Variants in RYR1 observed in about 807,000 individuals in gnomAD.
RYR1 encodes the protein central core disease of muscle.
In RYR1, 342 loss-of-function variants were observed where a neutral mutation model predicts 583.5. That is an observed-to-expected ratio of 0.59 (90% CI 0.54 to 0.64). The LOEUF is 0.64. Among genes scored for constraint, RYR1 ranks in the 30% least tolerant of loss-of-function variants. RYR1 has a pLI of 0.00. For missense variants in RYR1, 6,032 were observed against 6,917.2 expected (o/e 0.87, Z 4.54); for synonymous variants, 2,791 against 2,822.5 (o/e 0.99, Z 0.35).
intron 56 of RYR1, 74 bp downstream of exon 56, chr19:38,506,620 C>T (rs757959306): frequency 4.7e-5 from 73 of 1,568,678 alleles, no homozygotes; most frequent in Non-Finnish European, 6.0e-5. Context: ...CCTTCATGCC[C>T]CTGAAACTCG....
intron 47 of RYR1, among the ~76,000 whole-genome samples, chr19:38,501,483 C>G (rs143589019): frequency 2.0e-5 from 3 of 151,944 alleles, no homozygotes; most frequent in Non-Finnish European, 2.9e-5. Flanking sequence ...GGCAATGGAG[C>G]GAGACTCCAT....
At position 38,535,187 on chromosome 19, in the gene RYR1, C is replaced by T; in HGVS notation, c.11406C>T (p.Ser3802=). The change falls in exon 80 of 106, where the codon TCC becomes TCT. Residue 3802 remains serine, a synonymous_variant. Transcript: ENST00000359596. ...MVSSTLKLGI[S]ILNGGNAEVQ... is the part of the protein sequence containing the mutation. The stretch of plus-strand genomic sequence containing the variant: ...CCTCCACCCTGAAGCTGGGCATCTC[C>T]ATCCTCAATGGAGGCAATGCTGAGG... 6.2e-7 allele frequency: 1 copy of T among 1,614,160 alleles called. No individual in the cohort carries two copies. The highest frequency in any genetic ancestry group is 8.5e-7 in the Non-Finnish European group (1 of 1,180,036).
At chr19:38,522,804 G>A (rs1419246763) in intron 67 of RYR1, among the ~76,000 whole-genome samples, 2 of 151,466 alleles carry the variant, frequency 1.3e-5, no homozygotes, top group East Asian at 3.9e-4. Context: ...ACAAAAATTA[G>A]CCCGGTGTGG....
At chr19:38,493,476 GC>G (rs1969648910) in intron 38 of RYR1, among the ~76,000 whole-genome samples, 1 of 151,318 alleles carries the variant, frequency 6.6e-6, no homozygotes, top group Non-Finnish European at 1.5e-5. Context: ...GAAAGTCAAA[GC>G]CCCTGCCCAC....
At position 38,506,935 on chromosome 19, in the gene RYR1, T is replaced by C. The variant is rs767105170; in HGVS notation, c.8799T>C (p.Asn2933=). 1.4e-5 allele frequency: 23 copies of C among 1,612,482 alleles called. No homozygotes were observed. The highest frequency in any genetic ancestry group is 8.5e-6 in the Non-Finnish European group (10 of 1,179,982). Residue 2933 remains asparagine, a synonymous_variant, in exon 57 of 106, where the codon AAT becomes AAC. Coordinates refer to ENST00000359596, the MANE Select transcript of RYR1 (RefSeq NM_000540.3). The part of the protein sequence containing the change: ...AQELLKFLQM[N]GYAVTRGLKD... ...AGCTACTGAAATTCCTGCAGATGAA[T>C]GGCTACGCGGTTACAAGGCACGCGG...
intron 89 of RYR1, among the ~76,000 whole-genome samples, chr19:38,560,589 T>G (rs1255431585): frequency 2.1e-5 from 3 of 146,328 alleles, no homozygotes; most frequent in Non-Finnish European, 4.5e-5. Flanking sequence ...ATTAGCCAGG[T>G]GTGGTGGCGG....
intron 31 of RYR1, among the ~76,000 whole-genome samples, chr19:38,480,862 A>G (rs1457851544): frequency 6.6e-6 from 1 of 151,524 alleles, no homozygotes; most frequent in Non-Finnish European, 1.5e-5. Context: ...TAAGTATGTG[A>G]GATTACAGGT....
At position 38,512,286 on chromosome 19, in the gene RYR1, T is replaced by C; in HGVS notation, c.9275T>C (p.Leu3092Pro). The C allele has an allele frequency of 6.2e-7, 1 of 1,614,226 alleles. No homozygotes were observed. Among genetic ancestry groups the C allele is most frequent in the Non-Finnish European group, 8.5e-7 (1 of 1,180,040 alleles). ...GGCCCTGAGATCGTGAAGGCTGGCC[T>C]CCGCTCCTTCTTCGAGAGTGCCTCG... ...KSGPEIVKAGLRSFFESASED... is the reference protein window; with the variant it reads ...KSGPEIVKAGPRSFFESASED... The change falls in exon 63 of 106, where the codon CTC (leucine) becomes CCC (proline). Residue 3092 changes from leucine (L) to proline (P), a missense_variant. Physicochemically the swap from Leu to Pro is moderately conservative, Grantham distance 98. Transcript: ENST00000359596. This position sits in a 1 kb window ranked among gnomAD's most constrained non-coding sequence, Gnocchi z 5.1.
chr19:38,504,071 T>G (rs1970326225), intron 49 of RYR1, 149 bp from the exon 50 acceptor site: 1 of 875,158 alleles, frequency 1.1e-6, no homozygotes, highest in African/African-American at 1.7e-5. Context: ...AACATACCAT[T>G]TCTTCCCTTA....
intron 71 of RYR1, 52 bp downstream of exon 71, chr19:38,525,554 A>T: frequency 6.3e-7 from 1 of 1,587,324 alleles, no homozygotes; most frequent in Non-Finnish European, 8.6e-7. Flanking sequence ...CCCAGCACCC[A>T]CTGAACCCCT....
intron 56 of RYR1, 39 bp downstream of exon 56, chr19:38,506,585 A>C (rs1345169103): frequency 1.9e-6 from 3 of 1,608,766 alleles, no homozygotes; most frequent in Non-Finnish European, 2.6e-6. Flanking sequence ...ACCCCCGTGG[A>C]TTCACCGTGT....
intron 91 of RYR1, among the ~76,000 whole-genome samples, chr19:38,566,019 A>G (rs994043379): frequency 6.6e-6 from 1 of 151,664 alleles, no homozygotes; most frequent in Non-Finnish European, 1.5e-5. Flanking sequence ...ACCTGGAGAA[A>G]GGGCCGGGGA....
rs756620310 is a variant in RYR1, at chr19:38,458,209, C to G, written c.2084C>G (p.Pro695Arg). The change falls in exon 18 of 106, where the codon CCT becomes CGT. Residue 695 changes from proline (P) to arginine (R), a missense_variant. Pro to Arg is a moderately radical substitution (Grantham distance 103). This residue lies in a region of RYR1 where 2,627 missense variants were observed against 2,961.3 expected (regional missense o/e 0.89). Coordinates refer to ENST00000359596, the MANE Select transcript of RYR1 (RefSeq NM_000540.3). The stretch of plus-strand genomic sequence containing the variant: ...CTCACCGAGGGCTACACCCCCTACC[C>G]TGGGGCCGGCGAGGGCTGGGGCGGC... ...WALTEGYTPY[P>R]GAGEGWGGNG... The G allele has an allele frequency of 3.7e-6, 6 of 1,613,858 alleles. No individual in the cohort carries two copies. Among genetic ancestry groups the G allele is most frequent in the Non-Finnish European group, 5.1e-6 (6 of 1,180,040 alleles).
At chr19:38,497,182 G>T (rs905493664) in intron 42 of RYR1, among the ~76,000 whole-genome samples, 1 of 149,278 alleles carries the variant, frequency 6.7e-6, no homozygotes, top group African/African-American at 2.5e-5. Context: ...CCGTCTGGGG[G>T]CAGGTCCACA....
intron 9 of RYR1, among the ~76,000 whole-genome samples, chr19:38,447,498 A>G (rs1011250791): frequency 4.6e-5 from 7 of 151,730 alleles, no homozygotes; most frequent in African/African-American, 1.7e-4. Context: ...CTGAGATTGC[A>G]CCATTGCATT....
intron 17 of RYR1, 106 bp from the exon 18 acceptor site, chr19:38,457,945 C>A: frequency 1.0e-6 from 1 of 997,180 alleles, no homozygotes; most frequent in Non-Finnish European, 1.5e-6. Context: ...TCTCTCCCAT[C>A]TCTCTCTCTC....
In RYR1 at chr19:38,444,402, C is replaced by G; in HGVS notation, c.537+141C>G. 8.0e-6 allele frequency: 7 copies of G among 870,330 alleles called. No homozygotes were observed. The highest frequency in any genetic ancestry group is 1.3e-5 in the Non-Finnish European group (7 of 527,676). The allele number at this position is 870,330 out of a possible 1,614,324, so 53.9% of individuals were successfully genotyped here. On this transcript the variant is annotated intron_variant, in intron 6 of 105. Coordinates refer to ENST00000359596, the MANE Select transcript of RYR1 (RefSeq NM_000540.3). The surrounding 1 kb of genome is among the most constrained non-coding windows in gnomAD (Gnocchi z 5.1). ...TTCCCATTTCCTGACCCCTGACATC[C>G]AATTTTCTGATTTCTGACCTCCCAT... is the stretch of plus-strand genomic sequence containing the variant.
At chr19:38,522,946 T>G in intron 67 of RYR1, 82 bp from the exon 68 acceptor site, 1 of 1,106,856 alleles carries the variant, frequency 9.0e-7, no homozygotes, top group East Asian at 2.6e-5. Context: ...GGTCCCCATC[T>G]CCTCCTCCAA....
rs752153157 is a variant in RYR1 at position 38,535,374 on chromosome 19, C to T, written c.11498C>T (p.Ala3833Val). ...KEVGFFQSIQ[A>V]LMQTCSVLDL... is the part of the protein sequence containing the mutation. Reference sequence around the variant, plus strand: ...GTTGGCTTCTTCCAGAGTATCCAGGCACTGATGCAAACATGCAGGTAGGTT... The same window carrying T: ...GTTGGCTTCTTCCAGAGTATCCAGGTACTGATGCAAACATGCAGGTAGGTT... Residue 3833 changes from alanine (A) to valine (V), a missense_variant, in exon 81 of 106, where the codon GCA becomes GTA. Coordinates refer to ENST00000359596, the MANE Select transcript of RYR1 (RefSeq NM_000540.3). The T allele has an allele frequency of 6.2e-7, 1 of 1,613,940 alleles. No homozygotes were observed. Among genetic ancestry groups the T allele is most frequent in the East Asian group, 2.2e-5 (1 of 44,884 alleles).
Sources: gnomAD v4.1 joint callset for allele counts (sites outside exome capture counted in the v4.1 genomes callset) on GRCh38, gnomAD v4.1.1 for gene constraint, gnomAD v4.1.1 regional missense constraint, Gnocchi (gnomAD v3.1) non-coding constraint, MANE v1.5 for transcripts, NCBI Gene and HGNC (gene_info 2026-07-23, HGNC 2026-07-21) for gene names.